ARID2: variants seen among roughly 807,000 people sequenced by gnomAD.
ARID2 encodes the protein AT-rich interaction domain 2.
ARID2 carries 32 observed loss-of-function variants against 184.6 expected under a neutral mutation model. The ratio of observed to expected loss-of-function variants is 0.17; its 90% CI spans 0.13 to 0.23. The LOEUF (loss-of-function observed/expected upper bound fraction) is 0.23, where lower values mean the gene tolerates loss of function less well. Among genes scored for constraint, ARID2 ranks in the 10% least tolerant of loss-of-function variants. The pLI is 1.00. For synonymous variants in ARID2, 836 were observed against 772.6 expected (o/e 1.08, Z -1.36); for missense variants, 1,696 against 2,197.6 (o/e 0.77, Z 4.56).
In ARID2 at chr12:45,817,776, T is replaced by C; in HGVS notation, c.525T>C (p.Phe175=). Residue 175 remains phenylalanine, a synonymous_variant, in exon 5 of 21, where the codon TTT becomes TTC. Coordinates refer to ENST00000334344, the MANE Select transcript of ARID2 (RefSeq NM_152641.4). ...LLSGLPNEVD[F]AINVCTLLSN... is the part of the protein sequence containing the mutation. Reference sequence around the variant, plus strand: ...CTGGACTCCCAAATGAAGTGGACTTTGCTATTAACGTATGCACTCTCCTAT... The same window carrying C: ...CTGGACTCCCAAATGAAGTGGACTTCGCTATTAACGTATGCACTCTCCTAT... The C allele has an allele frequency of 6.2e-7, 1 of 1,613,488 alleles. No homozygotes were observed. The highest frequency in any genetic ancestry group is 1.7e-5 in the Admixed American group (1 of 59,940).
intron 3 of ARID2, among the ~76,000 whole-genome samples, chr12:45,768,618 G>A (rs538083614): frequency 1.3e-4 from 20 of 152,214 alleles, no homozygotes; most frequent in East Asian, 3.9e-4. Flanking sequence ...AGGAGGGTGC[G>A]GTGAGAGACA....
At chr12:45,821,661 T>C (rs1189026532) in intron 6 of ARID2, among the ~76,000 whole-genome samples, 174 bp downstream of exon 6, 1 of 152,208 alleles carries the variant, frequency 6.6e-6, no homozygotes, top group Non-Finnish European at 1.5e-5. Flanking sequence ...GAAAAATCTT[T>C]TAGAATACCC....
At chr12:45,758,748 C>T (rs1941617837) in intron 3 of ARID2, among the ~76,000 whole-genome samples, 2 of 152,124 alleles carry the variant, frequency 1.3e-5, no homozygotes, top group African/African-American at 2.4e-5. Flanking sequence ...CCAGTACATC[C>T]TCCTTCCAGC....
intron 16 of ARID2, among the ~76,000 whole-genome samples, chr12:45,883,843 G>A (rs1565637694): frequency 1.3e-5 from 2 of 152,024 alleles, no homozygotes; most frequent in Admixed American, 6.5e-5. Context: ...GATGATATAT[G>A]TGAATATGCC....
chr12:45,757,455 A>G (rs1253329341), intron 3 of ARID2, among the ~76,000 whole-genome samples: 1 of 152,212 alleles, frequency 6.6e-6, no homozygotes, highest in Non-Finnish European at 1.5e-5. Flanking sequence ...CCGTCAGTAC[A>G]CAAACTTGCT....
chr12:45,903,291 A>G (rs1321162290), intron 20 of ARID2, among the ~76,000 whole-genome samples: 2 of 152,176 alleles, frequency 1.3e-5, no homozygotes, highest in South Asian at 4.1e-4. Flanking sequence ...TAATGCTGCT[A>G]TAAACATTCT....
rs775172499 is a variant in ARID2 at position 45,852,678 on chromosome 12, G to T, written c.4555G>T (p.Ala1519Ser). 28 of 1,614,052 alleles carry T rather than the reference G, an allele frequency of 1.7e-5. No individual in the cohort carries two copies. In the South Asian group the frequency reaches 3.1e-4, roughly 18 times the overall value. Residue 1519 changes from alanine to serine, a missense_variant, in exon 15 of 21, where the codon GCA becomes TCA. Physicochemically the swap from Ala to Ser is moderately conservative, Grantham distance 99. Around this residue, in one of 11 missense-constraint regions of ARID2, gnomAD observed 428 missense variants for 409.1 expected, o/e 1.05. Transcript: ENST00000334344. ...AGAATGCAAAACTGTAAAGAGGCCA[G>T]CAGAGGATACTGATAGGGAAACAGT... ...TAECKTVKRP[A>S]EDTDRETVAG...
In ARID2 at chr12:45,907,213, C is replaced by T. The variant is rs1465776292; in HGVS notation, c.*2135C>T. ...TTCAGAGCCCTCAAACTTACAAGCA[C>T]CTGGTAGTTGACATCATATGGGGAA... On this transcript the variant is annotated 3_prime_UTR_variant, in exon 21 of 21. Transcript: ENST00000334344. The T allele has an allele frequency of 4.3e-6, 1 of 232,806 alleles. No individual in the cohort carries two copies. Among genetic ancestry groups the T allele is most frequent in the Admixed American group, 5.6e-5 (1 of 17,774 alleles). 14.4% of individuals were successfully genotyped at this position (232,806 alleles called of 1,614,324 possible).
intron 3 of ARID2, among the ~76,000 whole-genome samples, chr12:45,809,313 C>T (rs1942660023): frequency 6.6e-6 from 1 of 151,978 alleles, no homozygotes; most frequent in South Asian, 2.1e-4. Flanking sequence ...ATATATTATC[C>T]TTCATTTGCA....
chr12:45,828,259 T>C (rs1262210432), intron 6 of ARID2, among the ~76,000 whole-genome samples: 3 of 151,984 alleles, frequency 2.0e-5, no homozygotes, highest in African/African-American at 7.3e-5. Context: ...TTCAACATCA[T>C]GTTTGTGAAA....
intron 8 of ARID2, 100 bp downstream of exon 8, chr12:45,837,091 A>G: frequency 1.4e-6 from 2 of 1,427,624 alleles, no homozygotes; most frequent in Non-Finnish European, 1.9e-6. Flanking sequence ...TTTATAGACT[A>G]TTAAATGCTT....
intron 16 of ARID2, among the ~76,000 whole-genome samples, chr12:45,870,270 G>C (rs1269243409): frequency 1.3e-5 from 2 of 152,190 alleles, no homozygotes; most frequent in Non-Finnish European, 2.9e-5. Context: ...TTACAGGCGT[G>C]AGCCACTGTG....
intron 3 of ARID2, among the ~76,000 whole-genome samples, chr12:45,810,383 A>G (rs145600077): frequency 3.3e-5 from 5 of 152,194 alleles, no homozygotes; most frequent in African/African-American, 7.2e-5. Flanking sequence ...AAATTGGTCA[A>G]AATGTATTAG....
chr12:45,729,975 C>G (rs1328950470), intron 1 of ARID2, 47 bp downstream of exon 1: 14 of 1,604,894 alleles, frequency 8.7e-6, no homozygotes, highest in East Asian at 4.5e-5. Flanking sequence ...CCGGGGCGAA[C>G]GGGGCTCTCC....
chr12:45,753,201 G>T (rs1282530862), intron 3 of ARID2, among the ~76,000 whole-genome samples: 1 of 152,112 alleles, frequency 6.6e-6, no homozygotes, highest in African/African-American at 2.4e-5. Context: ...GGCAGAGGTT[G>T]CAGGAGAATC....
chr12:45,731,162 G>A, intron 2 of ARID2, 55 bp from the exon 3 acceptor site: 3 of 1,288,898 alleles, frequency 2.3e-6, no homozygotes, highest in East Asian at 2.3e-5. Flanking sequence ...TCATAGTTAG[G>A]TTAAGATTTT....
At chr12:45,893,581 A>G (rs563826808) in intron 19 of ARID2, 38 bp downstream of exon 19, 1 of 1,607,428 alleles carries the variant, frequency 6.2e-7, no homozygotes, top group African/African-American at 1.3e-5. Context: ...TAAAAGTCTG[A>G]GTCCTGTATG....
chr12:45,763,367 G>A (rs1941715314), intron 3 of ARID2, among the ~76,000 whole-genome samples: 1 of 152,008 alleles, frequency 6.6e-6, no homozygotes, highest in African/African-American at 2.4e-5. Flanking sequence ...CTACCGGGGA[G>A]GTGGAGGCAG....
intron 4 of ARID2, among the ~76,000 whole-genome samples, chr12:45,812,879 T>C (rs941743939): frequency 6.6e-6 from 1 of 152,204 alleles, no homozygotes; most frequent in African/African-American, 2.4e-5. Flanking sequence ...TAAACAGACT[T>C]TGGTGTCCGC....
Sources: gnomAD v4.1 joint callset for allele counts (sites outside exome capture counted in the v4.1 genomes callset) on GRCh38, gnomAD v4.1.1 for gene constraint, gnomAD v4.1.1 regional missense constraint, MANE v1.5 for transcripts, NCBI Gene and HGNC (gene_info 2026-07-23, HGNC 2026-07-21) for gene names.